Variants in SYTL2 observed in about 807,000 individuals in gnomAD.
The protein encoded by SYTL2 is synaptotagmin like 2.
Under a neutral mutation model 198.7 loss-of-function variants are expected in SYTL2, and 165 were observed. The observed-to-expected ratio is 0.83, with a 90% CI of 0.73 to 0.94. The LOEUF is 0.94. Ranked by LOEUF, SYTL2 falls within the 40% of genes least tolerant of loss-of-function variation. The probability of loss-of-function intolerance (pLI) is 0.00; values close to 1 mark genes in which losing one functional copy is unlikely to be tolerated. For synonymous variants in SYTL2, 966 were observed against 917.7 expected, an observed-to-expected ratio of 1.05 and a Z score of -0.95; for missense variants, 2,835 against 2,582.8, an observed-to-expected ratio of 1.10 and a Z score of -2.12.
intron 1 of SYTL2, among the ~76,000 whole-genome samples, chr11:85,809,092 C>T (rs781053750): frequency 1.3e-5 from 2 of 152,198 alleles, no homozygotes; most frequent in Admixed American, 6.5e-5. Context: ...CCTAGGCTGC[C>T]TCACATTTCT....
intron 4 of SYTL2, among the ~76,000 whole-genome samples, chr11:85,744,665 T>C (rs2091027481): frequency 6.6e-6 from 1 of 152,224 alleles, no homozygotes; most frequent in Non-Finnish European, 1.5e-5. Flanking sequence ...GAAATATCCC[T>C]GTTTCCAGGT....
At position 85,711,166 on chromosome 11, in the gene SYTL2, G is replaced by A. The variant is rs2153424748; in HGVS notation, c.5692C>T (p.Pro1898Ser). 1 of 1,613,826 alleles carries A rather than the reference G, an allele frequency of 6.2e-7. No homozygotes were observed. The highest frequency in any genetic ancestry group is 8.5e-7 in the Non-Finnish European group (1 of 1,179,804). Residue 1898 changes from proline (P) to serine (S), a missense_variant, in exon 13 of 20, where the codon CCG becomes TCG. This residue lies in a region of SYTL2 where 2,645 missense variants were observed against 2,381.7 expected (regional missense o/e 1.11). Transcript: ENST00000359152. The part of the protein sequence containing the change: ...SYQLSRHKKS[P>S]SSLTNLSSSS... ...CTGCTAAGATTGGTTAAAGAGCTCG[G>A]GCTCTTCTTGTGTCTGCTGAGCTGG...
chr11:85,728,261 T>A (rs1232854558), intron 7 of SYTL2, among the ~76,000 whole-genome samples: 1 of 152,162 alleles, frequency 6.6e-6, no homozygotes, highest in Non-Finnish European at 1.5e-5. Context: ...ACATGTGAAT[T>A]TTGCATTCTG....
At chr11:85,703,104 A>G (rs2084595767) in intron 16 of SYTL2, among the ~76,000 whole-genome samples, 1 of 152,210 alleles carries the variant, frequency 6.6e-6, no homozygotes, top group East Asian at 1.9e-4. Flanking sequence ...ATATAAGAAA[A>G]AAAGTATACA....
chr11:85,834,169 G>A, the SYTL2 span, among the ~76,000 whole-genome samples: 1 of 152,026 alleles, frequency 6.6e-6, no homozygotes, highest in Non-Finnish European at 1.5e-5. Context: ...TACAAATACT[G>A]CAGATATTAT....
intron 7 of SYTL2, among the ~76,000 whole-genome samples, chr11:85,731,412 G>T (rs947051333): frequency 7.2e-5 from 11 of 152,048 alleles, no homozygotes; most frequent in Non-Finnish European, 1.6e-4. Flanking sequence ...CAGAACAGAG[G>T]CCTCAGAAAT....
chr11:85,846,965 C>T, the SYTL2 span, among the ~76,000 whole-genome samples: 1 of 152,298 alleles, frequency 6.6e-6, no homozygotes, highest in African/African-American at 2.4e-5. Context: ...AACTCCTGAC[C>T]TCAGGTGATC....
At chr11:85,783,401 G>C (rs932870732) in intron 1 of SYTL2, among the ~76,000 whole-genome samples, 1 of 151,986 alleles carries the variant, frequency 6.6e-6, no homozygotes, top group East Asian at 1.9e-4. Flanking sequence ...GGGATTATGG[G>C]AACTACAATT....
Position 85,726,935 on chromosome 11 carries a change from A to T in SYTL2, c.2423T>A (p.Ile808Lys). 1 of 1,536,552 alleles carries T rather than the reference A, an allele frequency of 6.5e-7. No individual in the cohort carries two copies. The highest frequency in any genetic ancestry group is 8.7e-7 in the Non-Finnish European group (1 of 1,146,982). The change falls in exon 8 of 20, where the codon ATA becomes AAA. Residue 808 changes from isoleucine to lysine, a missense_variant. Physicochemically the swap from Ile to Lys is moderately radical, Grantham distance 102. Transcript: ENST00000359152. Reference protein sequence around the residue: ...FWEGEKAGAKITHEKPTSSCS... With the variant: ...FWEGEKAGAKKTHEKPTSSCS... Reference sequence around the variant, plus strand: ...TGAAGATGTGGGTTTTTCATGAGTTATCTTAGCACCAGCTTTCTCTCCTTC... The same window carrying T: ...TGAAGATGTGGGTTTTTCATGAGTTTTCTTAGCACCAGCTTTCTCTCCTTC...
the SYTL2 span, among the ~76,000 whole-genome samples, chr11:85,833,098 AGAAGGAAGGAAGGAAG>A: frequency 0.01 from 338 of 32,484 alleles, 15 homozygotes; most frequent in Admixed American, 0.017. Context: ...AAAGAAAGAA[AGAAGGAAGGAAGGAAG>A]GAAGGAAGGA....
At chr11:85,845,517 C>T in the SYTL2 span, among the ~76,000 whole-genome samples, 1 of 152,140 alleles carries the variant, frequency 6.6e-6, no homozygotes, top group Admixed American at 6.5e-5. Context: ...AATCCCAACA[C>T]TTTGGGAGAC....
chr11:85,853,654 C>T, the SYTL2 span: 6 of 88,144 alleles, frequency 6.8e-5, no homozygotes, highest in African/African-American at 2.5e-4. Flanking sequence ...CAAGAATGAT[C>T]AATAAAAAAA....
Position 85,697,907 on chromosome 11 carries a change from A to G in SYTL2, c.6368+72T>C, listed in dbSNP as rs1245120487. On this transcript the variant is annotated intron_variant, in intron 18 of 19. Coordinates refer to ENST00000359152, the MANE Select transcript of SYTL2 (RefSeq NM_206927.4). ...TGAATGATGAGTCAGTATTACAGAT[A>G]TAGAGAACCGAAACTAACCAGCAAA... The G allele has an allele frequency of 3.3e-6, 3 of 908,656 alleles. No homozygotes were observed. In the Admixed American group the frequency reaches 5.8e-5, roughly 18 times the overall value. 56.3% of individuals were successfully genotyped at this position (908,656 alleles called of 1,614,324 possible). A position where few individuals can be genotyped will look rare whatever the true frequency, so the allele number is the denominator to read the frequency against.
chr11:85,853,328 C>G, the SYTL2 span: 1 of 446,538 alleles, frequency 2.2e-6, no homozygotes, highest in Admixed American at 2.4e-5. Context: ...AAAGATTCTT[C>G]TGCCTTGGGA....
chr11:85,698,117 T>C, intron 17 of SYTL2, 39 bp from the exon 18 acceptor site: 2 of 1,411,366 alleles, frequency 1.4e-6, no homozygotes, highest in Non-Finnish European at 2.0e-6. Context: ...CACTGCCAGT[T>C]CTCCCTTGGC....
In SYTL2 at chr11:85,725,203, A is replaced by G; in HGVS notation, c.4155T>C (p.Tyr1385=). 1 of 1,614,164 alleles carries G rather than the reference A, an allele frequency of 6.2e-7. No homozygotes were observed. The highest frequency in any genetic ancestry group is 8.5e-7 in the Non-Finnish European group (1 of 1,180,016). The change falls in exon 8 of 20, where the codon TAT becomes TAC. Residue 1385 remains tyrosine, a synonymous_variant. Transcript: ENST00000359152. The part of the protein sequence containing the change: ...QKLCGEVWLS[Y]PAGREVGPGE... Reference sequence around the variant, plus strand: ...CAGGACCTACTTCCCTTCCAGCTGGATAACTTAACCATACTTCTCCACACA... The same window carrying G: ...CAGGACCTACTTCCCTTCCAGCTGGGTAACTTAACCATACTTCTCCACACA...
intron 8 of SYTL2, among the ~76,000 whole-genome samples, chr11:85,723,551 C>T (rs572377781): frequency 6.6e-6 from 1 of 152,296 alleles, no homozygotes; most frequent in South Asian, 2.1e-4. Context: ...TCTTACCAGA[C>T]TTCTATAAAG....
At chr11:85,715,995 C>T (rs1321995554) in intron 11 of SYTL2, among the ~76,000 whole-genome samples, 2 of 152,106 alleles carry the variant, frequency 1.3e-5, no homozygotes. Flanking sequence ...TAAGAATATA[C>T]TCTTTACCAG....
intron 10 of SYTL2, chr11:85,718,325 A>T (rs2087706630): frequency 5.8e-6 from 1 of 172,958 alleles, no homozygotes; most frequent in South Asian, 1.3e-4. Flanking sequence ...TTATATAAGC[A>T]GAGGCACGAT....
Sources: gnomAD v4.1 joint callset for allele counts (sites outside exome capture counted in the v4.1 genomes callset) on GRCh38, gnomAD v4.1.1 for gene constraint, gnomAD v4.1.1 regional missense constraint, MANE v1.5 for transcripts, NCBI Gene and HGNC (gene_info 2026-07-23, HGNC 2026-07-21) for gene names.